The following LGALS12 variants were observed in gnomAD, a reference collection of about 807,000 sequenced individuals.
LGALS12 encodes galectin 12.
A neutral mutation model predicts 36.8 loss-of-function variants in LGALS12; 36 were observed. The observed-to-expected ratio is 0.98, with a 90% confidence interval of 0.75 to 1.29. LGALS12 has a LOEUF of 1.29. Among genes scored for constraint, LGALS12 ranks in the 50% most tolerant of loss-of-function variants. The probability of loss-of-function intolerance (pLI) is 0.00; values close to 1 mark genes in which losing one functional copy is unlikely to be tolerated. For synonymous variants in LGALS12, 145 were observed against 155.9 expected (o/e 0.93, Z 0.52); for missense variants, 366 against 394.3 (o/e 0.93, Z 0.61).
At chr11:63,506,553 C>G in intron 1 of LGALS12, 26 bp downstream of exon 1, 1 of 1,614,000 alleles carries the variant, frequency 6.2e-7, no homozygotes, top group Non-Finnish European at 8.5e-7. Context: ...AATGTGGAAC[C>G]TCCTCGGTCT....
chr11:63,515,377 C>T (rs929564097), intron 7 of LGALS12, among the ~76,000 whole-genome samples, 186 bp from the exon 8 acceptor site: 5 of 152,242 alleles, frequency 3.3e-5, no homozygotes, highest in Admixed American at 3.3e-4. Context: ...ATCTAGAACT[C>T]GTGTTCTTTC....
chr11:63,509,991 TGA>T (rs1365975841), intron 4 of LGALS12, 94 bp downstream of exon 4: 1 of 1,440,986 alleles, frequency 6.9e-7, no homozygotes, highest in Non-Finnish European at 9.3e-7. Context: ...CACCCTAGAC[TGA>T]GAGAGAGGAC....
intron 1 of LGALS12, chr11:63,508,322 A>G: frequency 7.2e-7 from 1 of 1,389,034 alleles, no homozygotes; most frequent in Non-Finnish European, 9.3e-7. Context: ...TTGGCAAGGG[A>G]GCGGAATTTG....
At position 63,515,928 on chromosome 11, in the gene LGALS12, G is replaced by C. The variant is rs546157919; in HGVS notation, c.798+215G>C. On this transcript the variant is annotated intron_variant, in intron 8 of 8. Coordinates refer to ENST00000394618, the MANE Select transcript of LGALS12 (RefSeq NM_033101.4). ...GCCAGAAACTCAATTGATGCAGGTGGGGGGGGGCCCAGGCATCAGCTTTAT... is the reference window on the plus strand; with the variant it reads ...GCCAGAAACTCAATTGATGCAGGTGCGGGGGGGCCCAGGCATCAGCTTTAT... Among the ~76,000 whole-genome samples, 17 of 74,586 alleles carry C rather than the reference G, an allele frequency of 2.3e-4. No homozygotes were observed. In the African/African-American group the frequency reaches 3.0e-3, roughly 13 times the overall value. The allele number at this position is 74,586 out of a possible 152,430, so 48.9% of individuals were successfully genotyped here.
Position 63,506,526 on chromosome 11 carries a change from C to G in LGALS12, c.68C>G (p.Pro23Arg). The G allele has an allele frequency of 6.2e-7, 1 of 1,614,188 alleles. No homozygotes were observed. Among genetic ancestry groups the G allele is most frequent in the Non-Finnish European group, 8.5e-7 (1 of 1,180,024 alleles). ...ATTCTGCAACCACCAGTCTTCCACC[C>G]GGTGAGTTGTCACTCTAATGTGGAA... ...SFILQPPVFH[P>R]VVPYVTTIFG... Residue 23 changes from proline (P) to arginine (R), a missense_variant and splice_region_variant, in exon 1 of 9, where the codon CCG becomes CGG. Coordinates refer to ENST00000394618, the MANE Select transcript of LGALS12 (RefSeq NM_033101.4).
intron 1 of LGALS12, 22 bp from the exon 2 acceptor site, chr11:63,508,523 CTGCATGGA>C: frequency 6.2e-7 from 1 of 1,614,006 alleles, no homozygotes; most frequent in Non-Finnish European, 8.5e-7. Context: ...TTCTCCAAAC[CTGCATGGA>C]TGAGTTTCTT....
rs2017056903 is a variant in LGALS12, at chr11:63,515,638, G to A, written c.723G>A (p.Leu241=). ...GGGCCTCCTTCGCAGACAGAACTCT[G>A]GCCTGGATCTCCCGCTGGGGGCAGA... ...TLRASFADRT[L]AWISRWGQKK... is the part of the protein sequence containing the mutation. The change falls in exon 8 of 9, where the codon CTG becomes CTA. Residue 241 remains leucine, a synonymous_variant. Coordinates refer to ENST00000394618, the MANE Select transcript of LGALS12 (RefSeq NM_033101.4). 6.2e-7 allele frequency: 1 copy of A among 1,614,104 alleles called. No individual in the cohort carries two copies. Among genetic ancestry groups the A allele is most frequent in the Non-Finnish European group, 8.5e-7 (1 of 1,180,030 alleles).
chr11:63,515,771 A>T (rs2017062896), intron 8 of LGALS12, 58 bp downstream of exon 8: 9 of 1,571,950 alleles, frequency 5.7e-6, no homozygotes, highest in Non-Finnish European at 7.8e-6. Context: ...CTGAAGTCCC[A>T]TAATGACCTG....
At chr11:63,509,739 A>G (rs968154543) in intron 3 of LGALS12, 39 bp from the exon 4 acceptor site, 1 of 1,610,546 alleles carries the variant, frequency 6.2e-7, no homozygotes, top group Admixed American at 1.7e-5. Flanking sequence ...CTCAATGAAC[A>G]TTAGCTGCTG....
chr11:63,516,204 G>A, intron 8 of LGALS12, 43 bp from the exon 9 acceptor site: 2 of 1,525,768 alleles, frequency 1.3e-6, no homozygotes, highest in Non-Finnish European at 1.7e-6. Flanking sequence ...ACAAGGGAAA[G>A]TCTGGCTGGA....
Position 63,515,547 on chromosome 11 carries a change from C to A in LGALS12, c.648-16C>A, listed in dbSNP as rs2017052494. On this transcript the variant is annotated splice_polypyrimidine_tract_variant and intron_variant, in intron 7 of 8. Transcript: ENST00000394618. ...AATGGGCGCTGATTCCTTCTCCTTC[C>A]TCCTGCTTCCTGCAGTTTTACTGTG... The A allele has an allele frequency of 1.9e-6, 3 of 1,613,446 alleles. No homozygotes were observed. The highest frequency in any genetic ancestry group is 2.5e-6 in the Non-Finnish European group (3 of 1,179,728).
In LGALS12 at chr11:63,515,624, G is replaced by A. The variant is rs199986297; in HGVS notation, c.709G>A (p.Ala237Thr). The change falls in exon 8 of 9, where the codon GCA becomes ACA. Residue 237 changes from alanine (A) to threonine (T), a missense_variant. Ala to Thr is a moderately conservative substitution (Grantham distance 58). Transcript: ENST00000394618. The stretch of plus-strand genomic sequence containing the variant: ...TCCTGTGACACTCAGGGCCTCCTTC[G>A]CAGACAGAACTCTGGCCTGGATCTC... The part of the protein sequence containing the change: ...HAPVTLRASF[A>T]DRTLAWISRW... 4.3e-6 allele frequency: 7 copies of A among 1,614,094 alleles called. No homozygotes were observed. Among genetic ancestry groups the A allele is most frequent in the African/African-American group, 4.0e-5 (3 of 74,948 alleles).
chr11:63,509,055 GC>G, intron 3 of LGALS12, 64 bp downstream of exon 3: 1 of 1,268,396 alleles, frequency 7.9e-7, no homozygotes, highest in Non-Finnish European at 1.1e-6. Flanking sequence ...CCTTCCCTCA[GC>G]CAGACTCCCC....
intron 7 of LGALS12, 48 bp from the exon 8 acceptor site, chr11:63,515,515 T>C (rs775987730): frequency 3.2e-5 from 52 of 1,605,652 alleles, no homozygotes; most frequent in Admixed American, 5.0e-5. Context: ...AGCAGCGGCC[T>C]ATGGGCAATG....
chr11:63,511,163 T>A (rs1242170277), intron 6 of LGALS12, 58 bp downstream of exon 6: 2 of 1,499,632 alleles, frequency 1.3e-6, no homozygotes, highest in Admixed American at 1.7e-5. Flanking sequence ...GGTGAGCAGC[T>A]AATGAGCTCA....
chr11:63,509,050 C>A, intron 3 of LGALS12, 59 bp downstream of exon 3: 3 of 1,349,002 alleles, frequency 2.2e-6, no homozygotes, highest in African/African-American at 1.4e-5. Flanking sequence ...CCCTTCCTTC[C>A]CTCAGCCAGA....
intron 7 of LGALS12, among the ~76,000 whole-genome samples, chr11:63,514,891 A>G (rs1404852840): frequency 1.5e-4 from 22 of 150,730 alleles, no homozygotes; most frequent in Non-Finnish European, 2.7e-4. Context: ...TTTTGGCTCT[A>G]TGAGGTAGAG....
rs756938031 is a variant in LGALS12, at chr11:63,510,503, T to C, written c.531+2T>C. On this transcript the variant is annotated splice_donor_variant, in intron 5 of 8. Coordinates refer to ENST00000394618, the MANE Select transcript of LGALS12 (RefSeq NM_033101.4). LOFTEE classifies it high-confidence loss of function. ...AGCAGAGAGTACCCAGCTGGACATGTGAGTTTCTTGGCAGCAAGGTCTGAG... is the reference window on the plus strand; with the variant it reads ...AGCAGAGAGTACCCAGCTGGACATGCGAGTTTCTTGGCAGCAAGGTCTGAG... The C allele has an allele frequency of 1.2e-6, 2 of 1,613,380 alleles. No homozygotes were observed. Among genetic ancestry groups the C allele is most frequent in the Non-Finnish European group, 1.7e-6 (2 of 1,179,802 alleles).
intron 3 of LGALS12, among the ~76,000 whole-genome samples, chr11:63,509,571 AG>A (rs1401041385): frequency 6.6e-6 from 1 of 152,216 alleles, no homozygotes; most frequent in Non-Finnish European, 1.5e-5. Context: ...GGAGCGTTGA[AG>A]GTGCCTTAGT....
Sources: allele counts gnomAD v4.1 joint callset (sites outside exome capture counted in the v4.1 genomes callset), GRCh38; gene constraint gnomAD v4.1.1; transcripts MANE v1.5; gene names NCBI Gene and HGNC (gene_info 2026-07-23, HGNC 2026-07-21).